SUSD6: variants seen among roughly 807,000 people sequenced by gnomAD.
SUSD6 encodes the protein sushi domain-containing protein 6.
SUSD6 carries 16 observed loss-of-function variants against 28.4 expected under a neutral mutation model. The ratio of observed to expected loss-of-function variants is 0.56; its 90% CI spans 0.38 to 0.86. The LOEUF is 0.86. Among genes scored for constraint, SUSD6 ranks in the 40% least tolerant of loss-of-function variants. The pLI is 0.00. For synonymous variants in SUSD6, 147 were observed against 159.6 expected (o/e 0.92, Z 0.59); for missense variants, 341 against 384.2 (o/e 0.89, Z 0.94).
chr14:69,614,997 C>T (rs1230386077), intron 1 of SUSD6, among the ~76,000 whole-genome samples: 4 of 152,190 alleles, frequency 2.6e-5, no homozygotes, highest in Non-Finnish European at 5.9e-5. Context: ...TTTATTTTCC[C>T]TCTTCTTTCT....
chr14:69,657,716 G>C (rs910319130), intron 1 of SUSD6, among the ~76,000 whole-genome samples: 2 of 152,082 alleles, frequency 1.3e-5, no homozygotes, highest in Admixed American at 1.3e-4. Flanking sequence ...GTAATGTATC[G>C]TCAACCCATT....
Position 69,714,270 on chromosome 14 carries a change from A to C in SUSD6, c.*3291A>C, listed in dbSNP as rs950294560. On this transcript the variant is annotated 3_prime_UTR_variant, in exon 6 of 6. Coordinates refer to ENST00000342745, the MANE Select transcript of SUSD6 (RefSeq NM_014734.4). ...GACAAAGGTATACTCTTCCTGCTTC[A>C]TGGGTGGTGGCACGGGAATAGATAG... 1 of 152,180 alleles carries C rather than the reference A, an allele frequency of 6.6e-6. No homozygotes were observed. The highest frequency in any genetic ancestry group is 1.5e-5 in the Non-Finnish European group (1 of 68,038). 9.4% of individuals were successfully genotyped at this position (152,180 alleles called of 1,614,324 possible). A position where few individuals can be genotyped will look rare whatever the true frequency, so the allele number is the denominator to read the frequency against.
At chr14:69,665,614 A>G (rs894941423) in intron 2 of SUSD6, among the ~76,000 whole-genome samples, 6 of 152,232 alleles carry the variant, frequency 3.9e-5, no homozygotes, top group Non-Finnish European at 7.3e-5. Flanking sequence ...GTCTCTTATG[A>G]GGTGGAGTGG....
At chr14:69,700,929 A>T (rs1886304583) in intron 2 of SUSD6, among the ~76,000 whole-genome samples, 1 of 152,186 alleles carries the variant, frequency 6.6e-6, no homozygotes, top group African/African-American at 2.4e-5. Context: ...TTAGATAACA[A>T]AAACCTAATC....
intron 1 of SUSD6, chr14:69,617,412 G>T (rs551487321): frequency 6.6e-6 from 1 of 152,188 alleles, no homozygotes; most frequent in African/African-American, 2.4e-5. Flanking sequence ...TCCTACTGTG[G>T]TGTTGCGGAT....
At chr14:69,664,959 T>G (rs1378437590) in intron 2 of SUSD6, among the ~76,000 whole-genome samples, 1 of 152,168 alleles carries the variant, frequency 6.6e-6, no homozygotes, top group Non-Finnish European at 1.5e-5. Context: ...AGTGCATCAC[T>G]TGGGAGTGGG....
intron 2 of SUSD6, among the ~76,000 whole-genome samples, chr14:69,676,710 A>G (rs1207684114): frequency 6.6e-6 from 1 of 152,206 alleles, no homozygotes; most frequent in African/African-American, 2.4e-5. Flanking sequence ...TGTGCTTTTT[A>G]AAATGAGATT....
chr14:69,616,383 G>A (rs1394998523), intron 1 of SUSD6, among the ~76,000 whole-genome samples: 2 of 152,180 alleles, frequency 1.3e-5, no homozygotes, highest in Non-Finnish European at 2.9e-5. Flanking sequence ...TGCCCTTTAT[G>A]TAAACTGTCC....
chr14:69,645,674 T>G (rs933116887), intron 1 of SUSD6, among the ~76,000 whole-genome samples: 9 of 152,148 alleles, frequency 5.9e-5, no homozygotes, highest in Non-Finnish European at 1.2e-4. Flanking sequence ...CCCCCTCTAG[T>G]TATCATCCAG....
chr14:69,637,300 C>T (rs1161190173), intron 1 of SUSD6, among the ~76,000 whole-genome samples: 1 of 152,114 alleles, frequency 6.6e-6, no homozygotes, highest in Non-Finnish European at 1.5e-5. Context: ...GTACTTACCG[C>T]ACCATATTAC....
chr14:69,652,357 G>A (rs980195221), intron 1 of SUSD6, among the ~76,000 whole-genome samples: 1 of 152,150 alleles, frequency 6.6e-6, no homozygotes, highest in Non-Finnish European at 1.5e-5. Context: ...TGAGGCACGA[G>A]AATCACTTGA....
intron 2 of SUSD6, 138 bp downstream of exon 2, chr14:69,658,851 T>C: frequency 8.9e-7 from 1 of 1,118,164 alleles, no homozygotes; most frequent in Non-Finnish European, 1.3e-6. Flanking sequence ...TTGTGGTAAA[T>C]ATAGCAGGGA....
intron 1 of SUSD6, among the ~76,000 whole-genome samples, chr14:69,636,500 C>T (rs1380392693): frequency 1.3e-5 from 2 of 152,250 alleles, no homozygotes; most frequent in Non-Finnish European, 1.5e-5. Context: ...AGACTCGCCT[C>T]CTCTTTCTGT....
At chr14:69,613,628 C>CTT (rs1884915434) in intron 1 of SUSD6, among the ~76,000 whole-genome samples, 1 of 152,216 alleles carries the variant, frequency 6.6e-6, no homozygotes. Flanking sequence ...GACTCACAGC[C>CTT]TTTAAGTCCA....
intron 2 of SUSD6, among the ~76,000 whole-genome samples, chr14:69,687,388 G>A (rs1886089113): frequency 6.6e-6 from 1 of 152,242 alleles, no homozygotes; most frequent in South Asian, 2.1e-4. Flanking sequence ...TGGGATTACA[G>A]GCGTGAGCCA....
intron 2 of SUSD6, among the ~76,000 whole-genome samples, chr14:69,677,673 A>AG (rs1491422809): frequency 6.6e-6 from 1 of 151,800 alleles, no homozygotes; most frequent in African/African-American, 2.4e-5. Context: ...ATGGTCAATC[A>AG]GGGGGTGAGT....
intron 1 of SUSD6, among the ~76,000 whole-genome samples, chr14:69,653,651 A>T (rs1382945533): frequency 6.6e-6 from 1 of 152,010 alleles, no homozygotes. Context: ...GTAGTCACTA[A>T]CATGCCAAAG....
chr14:69,688,653 G>A (rs896953392), intron 2 of SUSD6, among the ~76,000 whole-genome samples: 9 of 152,204 alleles, frequency 5.9e-5, no homozygotes, highest in Non-Finnish European at 1.3e-4. Flanking sequence ...GAAGCATGAT[G>A]AATCTGCACT....
rs546939766 is a variant in SUSD6, at chr14:69,677,319, G to A, written c.121+18606G>A. On this transcript the variant is annotated intron_variant, in intron 2 of 5. Transcript: ENST00000342745. ...CCAGCACTTTGGGAGGCCGAGGCGG[G>A]TGGATCACAAGGTCAGGAGATCGAG... Among the ~76,000 whole-genome samples, 19 of 152,324 alleles carry A rather than the reference G, an allele frequency of 1.2e-4. No homozygotes were observed. The East Asian group carries it at 1.4e-3, about 11-fold the overall frequency.
Sources: allele counts gnomAD v4.1 joint callset (sites outside exome capture counted in the v4.1 genomes callset), GRCh38; gene constraint gnomAD v4.1.1; transcripts MANE v1.5; gene names NCBI Gene and HGNC (gene_info 2026-07-23, HGNC 2026-07-21).